NCS1: variants seen among roughly 807,000 people sequenced by gnomAD.
NCS1 encodes frequenin homolog.
A neutral mutation model predicts 28.4 loss-of-function variants in NCS1; 6 were observed. The observed-to-expected ratio is 0.21, with a 90% CI of 0.12 to 0.42. The LOEUF is 0.42. Among genes scored for constraint, NCS1 ranks in the 10% least tolerant of loss-of-function variants. The pLI, the probability that NCS1 is intolerant of heterozygous loss-of-function variation, is 1.00. For missense variants in NCS1, 131 were observed against 241.4 expected (o/e 0.54, Z 3.03); for synonymous variants, 86 against 99.3 (o/e 0.87, Z 0.79).
chr9:130,223,225 T>G (rs1588125372), intron 6 of NCS1, 66 bp downstream of exon 6: 1 of 1,470,356 alleles, frequency 6.8e-7, no homozygotes, highest in Non-Finnish European at 9.5e-7. Flanking sequence ...GGAATTGGAG[T>G]CCCTGGATCC....
At chr9:130,182,493 C>T (rs1300676510) in intron 1 of NCS1, among the ~76,000 whole-genome samples, 1 of 152,228 alleles carries the variant, frequency 6.6e-6, no homozygotes, top group African/African-American at 2.4e-5. Context: ...GAGGTTCTGC[C>T]TCCTGCAGGA....
chr9:130,174,324 G>A (rs1335309888), intron 1 of NCS1, among the ~76,000 whole-genome samples: 1 of 152,160 alleles, frequency 6.6e-6, no homozygotes. Flanking sequence ...AGCATGTCAC[G>A]TGCCAAGCTC....
chr9:130,225,772 A>C (rs1588126357), intron 6 of NCS1, among the ~76,000 whole-genome samples: 1 of 152,190 alleles, frequency 6.6e-6, no homozygotes, highest in East Asian at 1.9e-4. Flanking sequence ...TGTTTTCGGC[A>C]CTTACCCTCT....
chr9:130,224,391 CA>C (rs71387332), intron 6 of NCS1, among the ~76,000 whole-genome samples: 981 of 96,430 alleles, frequency 0.01, 7 homozygotes, highest in African/African-American at 0.025. Flanking sequence ...GACGCAGTCT[CA>C]AAAAAAAAAA....
intron 1 of NCS1, among the ~76,000 whole-genome samples, chr9:130,179,016 T>C (rs111718569): frequency 0.19 from 27,126 of 145,038 alleles, 3,231 homozygotes; most frequent in East Asian, 0.6. Context: ...CTTACTGCAA[T>C]CTCCACCTCC....
rs1554904475 is a variant in NCS1 at position 130,175,183 on chromosome 9, T to A, written c.64+2456T>A. ...CTTGTGTGTGGAGCTCACAGCTGTG[T>A]TCCCCCCATGTGTTGGCCTTTAGTA... On this transcript the variant is annotated intron_variant, in intron 1 of 7. Coordinates refer to ENST00000372398, the MANE Select transcript of NCS1 (RefSeq NM_014286.4). This position sits in a 1 kb window ranked among gnomAD's most constrained non-coding sequence, Gnocchi z 4.9. Among the ~76,000 whole-genome samples, 2 of 152,028 alleles carry A rather than the reference T, an allele frequency of 1.3e-5. No homozygotes were observed. Among genetic ancestry groups the A allele is most frequent in the African/African-American group, 4.8e-5 (2 of 41,392 alleles).
intron 4 of NCS1, among the ~76,000 whole-genome samples, chr9:130,222,126 G>A (rs71481362): frequency 2.6e-3 from 146 of 56,610 alleles, no homozygotes; most frequent in Middle Eastern, 0.013. Context: ...ATATATATAT[G>A]TGTATATATA....
intron 1 of NCS1, among the ~76,000 whole-genome samples, chr9:130,184,070 A>G (rs1453269534): frequency 2.0e-5 from 3 of 151,956 alleles, no homozygotes; most frequent in Non-Finnish European, 2.9e-5. Context: ...TCGGCCTCCC[A>G]AAGTGCTGGG....
chr9:130,188,109 GC>G (rs1262154010), intron 1 of NCS1, among the ~76,000 whole-genome samples: 3 of 152,262 alleles, frequency 2.0e-5, no homozygotes, highest in African/African-American at 7.2e-5. Flanking sequence ...GTCTTTGGGT[GC>G]TGTGACACCT....
At chr9:130,207,683 C>T (rs1225232039) in intron 2 of NCS1, among the ~76,000 whole-genome samples, 1 of 152,232 alleles carries the variant, frequency 6.6e-6, no homozygotes, top group Non-Finnish European at 1.5e-5. Context: ...CCGGTCAGGT[C>T]CCAAGTCCCC....
chr9:130,191,513 A>T lies in NCS1; in HGVS notation c.65-9445A>T, dbSNP rs1305746950. 6.6e-6 allele frequency among the ~76,000 whole-genome samples: 1 copy of T among 152,108 alleles called. No individual in the cohort carries two copies. The highest frequency in any genetic ancestry group is 1.5e-5 in the Non-Finnish European group (1 of 68,018). The stretch of plus-strand genomic sequence containing the variant: ...GAGGCGAGGCAGCCGTGGGGATGTA[A>T]GGAAGGGAAGTGGGGGCCGGTAGGG... On this transcript the variant is annotated intron_variant, in intron 1 of 7. Transcript: ENST00000372398. This position sits in a 1 kb window ranked among gnomAD's most constrained non-coding sequence, Gnocchi z 6.4.
chr9:130,216,754 A>G (rs1554909445), intron 2 of NCS1, among the ~76,000 whole-genome samples: 1 of 150,574 alleles, frequency 6.6e-6, no homozygotes, highest in Non-Finnish European at 1.5e-5. Flanking sequence ...GTACCTTCTC[A>G]GGGCCATTAG....
chr9:130,222,830 C>T (rs1833351675), intron 5 of NCS1, 92 bp downstream of exon 5: 8 of 1,372,966 alleles, frequency 5.8e-6, no homozygotes, highest in East Asian at 4.7e-5. Context: ...CAGCCATGCT[C>T]CTGCCCAGGG....
chr9:130,188,480 T>TCTC (rs1832769551), intron 1 of NCS1, among the ~76,000 whole-genome samples: 1 of 145,422 alleles, frequency 6.9e-6, no homozygotes. Context: ...TGGAGTGCAA[T>TCTC]GGCTCGATCT....
At position 130,236,171 on chromosome 9, in the gene NCS1, G is replaced by A. The variant is rs1554913044; in HGVS notation, c.*3199G>A. ...CTTTGTGTTTTTTCGGAGGGGGTTG[G>A]TGGGGAGGTCGGGATGCCTGGGATC... On this transcript the variant is annotated 3_prime_UTR_variant, in exon 8 of 8. Coordinates refer to ENST00000372398, the MANE Select transcript of NCS1 (RefSeq NM_014286.4). 1 of 152,254 alleles carries A rather than the reference G, an allele frequency of 6.6e-6. No individual in the cohort carries two copies. The highest frequency in any genetic ancestry group is 2.4e-5 in the African/African-American group (1 of 41,454). 9.4% of individuals were successfully genotyped at this position (152,254 alleles called of 1,614,324 possible).
Position 130,212,779 on chromosome 9 carries a change from A to G in NCS1, c.90-5053A>G, listed in dbSNP as rs568644727. ...GACAAAATTCTTGGGCATGATCTTCATCATATGCCAGCAGCTCACTCGGGT... is the reference window on the plus strand; with the variant it reads ...GACAAAATTCTTGGGCATGATCTTCGTCATATGCCAGCAGCTCACTCGGGT... On this transcript the variant is annotated intron_variant, in intron 2 of 7. Coordinates refer to ENST00000372398, the MANE Select transcript of NCS1 (RefSeq NM_014286.4). 5.2e-4 allele frequency among the ~76,000 whole-genome samples: 79 copies of G among 152,114 alleles called. 1 individual carries two copies. Among genetic ancestry groups the G allele is most frequent in the African/African-American group, 1.9e-3 (78 of 41,484 alleles).
In NCS1 at chr9:130,205,749, G is replaced by A. The variant is rs532641999; in HGVS notation, c.89+4767G>A. 4.0e-5 allele frequency among the ~76,000 whole-genome samples: 6 copies of A among 151,632 alleles called. No individual in the cohort carries two copies. In the South Asian group the frequency reaches 6.2e-4, roughly 16 times the overall value. ...GCTACTTGGCTGAGATGGGAAGATC[G>A]CTTGGGCCCCAGAGGTCAAGGCTGC... On this transcript the variant is annotated intron_variant, in intron 2 of 7. Transcript: ENST00000372398.
At chr9:130,183,637 A>C (rs1832695736) in intron 1 of NCS1, among the ~76,000 whole-genome samples, 2 of 150,292 alleles carry the variant, frequency 1.3e-5, no homozygotes, top group African/African-American at 2.5e-5. Flanking sequence ...TGGCCTCTTT[A>C]TCTCTCTTTC....
chr9:130,230,067 T>C (rs1424898426), intron 7 of NCS1, among the ~76,000 whole-genome samples: 1 of 152,126 alleles, frequency 6.6e-6, no homozygotes, highest in African/African-American at 2.4e-5. Flanking sequence ...TTATCTATTA[T>C]GGGCCAGGCG....
Sources: gnomAD v4.1 joint callset for allele counts (sites outside exome capture counted in the v4.1 genomes callset) on GRCh38, gnomAD v4.1.1 for gene constraint, Gnocchi (gnomAD v3.1) non-coding constraint, MANE v1.5 for transcripts, NCBI Gene and HGNC (gene_info 2026-07-23, HGNC 2026-07-21) for gene names.